FAM163A: variants seen among roughly 807,000 people sequenced by gnomAD.
FAM163A encodes family with sequence similarity 163 member A.
A neutral mutation model predicts 12.0 loss-of-function variants in FAM163A; 7 were observed. The ratio of observed to expected loss-of-function variants is 0.58; its 90% confidence interval spans 0.33 to 1.10. FAM163A has a LOEUF of 1.10. FAM163A is among the 50% of genes least tolerant of loss of function. FAM163A has a pLI of 0.03. For synonymous variants in FAM163A, 101 were observed against 91.0 expected (o/e 1.11, Z -0.62); for missense variants, 202 against 218.6 (o/e 0.92, Z 0.48).
intron 1 of FAM163A, among the ~76,000 whole-genome samples, chr1:179,758,497 C>T (rs890993921): frequency 3.9e-5 from 6 of 152,174 alleles, no homozygotes; most frequent in African/African-American, 1.2e-4. Flanking sequence ...TATGTCTGCT[C>T]ATACTTCTAG....
chr1:179,748,725 A>G (rs187829341), intron 1 of FAM163A, among the ~76,000 whole-genome samples: 83 of 152,326 alleles, frequency 5.4e-4, no homozygotes, highest in African/African-American at 1.9e-3. Flanking sequence ...TCCGTCTTGG[A>G]GAAGGTGATT....
At chr1:179,749,163 C>T (rs1455186753) in intron 1 of FAM163A, among the ~76,000 whole-genome samples, 1 of 152,224 alleles carries the variant, frequency 6.6e-6, no homozygotes, top group Non-Finnish European at 1.5e-5. Context: ...TTTATTCTCT[C>T]ATTCATCTAC....
intron 1 of FAM163A, among the ~76,000 whole-genome samples, chr1:179,768,302 A>T (rs1687781349): frequency 6.6e-6 from 1 of 152,182 alleles, no homozygotes. Context: ...CATCACCCAC[A>T]TAAACAAAGA....
chr1:179,783,175 T>A (rs1486464291), intron 1 of FAM163A, among the ~76,000 whole-genome samples: 2 of 149,064 alleles, frequency 1.3e-5, no homozygotes, highest in Admixed American at 1.3e-4. Flanking sequence ...TCATTCAAAA[T>A]GCAGAATGCC....
chr1:179,803,826 C>G (rs1693537338), intron 1 of FAM163A: 1 of 152,050 alleles, frequency 6.6e-6, no homozygotes, highest in Non-Finnish European at 1.5e-5. Context: ...CTCGGCCTCC[C>G]AAAGTGTTAG....
intron 1 of FAM163A, among the ~76,000 whole-genome samples, chr1:179,796,032 T>A (rs551767029): frequency 6.7e-6 from 1 of 148,394 alleles, no homozygotes; most frequent in Non-Finnish European, 1.5e-5. Flanking sequence ...TCCTTTCTAT[T>A]CATCATCTTA....
chr1:179,797,514 A>G (rs1216591325), intron 1 of FAM163A, among the ~76,000 whole-genome samples: 1 of 152,184 alleles, frequency 6.6e-6, no homozygotes, highest in African/African-American at 2.4e-5. Flanking sequence ...TCTATTGTGC[A>G]GGCTGGGGAC....
intron 1 of FAM163A, among the ~76,000 whole-genome samples, chr1:179,762,641 T>A (rs1686967742): frequency 6.6e-6 from 1 of 152,236 alleles, no homozygotes; most frequent in African/African-American, 2.4e-5. Context: ...ACTTCAGGAA[T>A]GCTCAAGATG....
chr1:179,792,327 GGAGAT>G (rs1691634475), intron 1 of FAM163A, among the ~76,000 whole-genome samples: 2 of 146,560 alleles, frequency 1.4e-5, no homozygotes, highest in African/African-American at 5.1e-5. Context: ...GTGTGTGTGT[GGAGAT>G]TGGGTCTCTT....
chr1:179,783,924 G>T (rs1690223368), intron 1 of FAM163A, among the ~76,000 whole-genome samples: 1 of 151,398 alleles, frequency 6.6e-6, no homozygotes, highest in African/African-American at 2.4e-5. Context: ...ACACTAGTTG[G>T]CTATAAGGAA....
chr1:179,800,326 A>AG (rs2148308472), intron 1 of FAM163A, among the ~76,000 whole-genome samples: 1 of 152,338 alleles, frequency 6.6e-6, no homozygotes, highest in African/African-American at 2.4e-5. Flanking sequence ...GAATCAGGGA[A>AG]GGGGTACGCT....
intron 1 of FAM163A, among the ~76,000 whole-genome samples, chr1:179,778,538 G>T (rs781409336): frequency 6.6e-6 from 1 of 152,152 alleles, no homozygotes; most frequent in Non-Finnish European, 1.5e-5. Context: ...CAGGAGCAGA[G>T]GGAAGGAAGA....
At chr1:179,737,640 C>A in the FAM163A span, among the ~76,000 whole-genome samples, 1 of 152,086 alleles carries the variant, frequency 6.6e-6, no homozygotes, top group Non-Finnish European at 1.5e-5. Flanking sequence ...TCAAGACCAT[C>A]GTGGCTAACA....
At chr1:179,802,272 G>C (rs1465084781) in intron 1 of FAM163A, among the ~76,000 whole-genome samples, 1 of 152,336 alleles carries the variant, frequency 6.6e-6, no homozygotes, top group Non-Finnish European at 1.5e-5. Context: ...GGATCTGTGT[G>C]CTTGTAGTTT....
intron 1 of FAM163A, among the ~76,000 whole-genome samples, chr1:179,779,029 G>A (rs1245910730): frequency 6.6e-6 from 1 of 152,104 alleles, no homozygotes; most frequent in Non-Finnish European, 1.5e-5. Context: ...GGTTTAGGCA[G>A]GACAGAAACC....
At chr1:179,755,266 A>T (rs909369260) in intron 1 of FAM163A, among the ~76,000 whole-genome samples, 23 of 152,014 alleles carry the variant, frequency 1.5e-4, no homozygotes, top group Non-Finnish European at 8.8e-5. Context: ...ATTCACTGTG[A>T]TTGGGGGCAG....
At chr1:179,808,167 A>G (rs1428329127) in intron 2 of FAM163A, among the ~76,000 whole-genome samples, 1 of 152,072 alleles carries the variant, frequency 6.6e-6, no homozygotes, top group East Asian at 1.9e-4. Flanking sequence ...GAAACTCCAC[A>G]GCACTGGCCC....
chr1:179,804,769 A>G (rs2148334599), intron 1 of FAM163A, among the ~76,000 whole-genome samples: 1 of 152,320 alleles, frequency 6.6e-6, no homozygotes, highest in African/African-American at 2.4e-5. Context: ...ACCCATGAAC[A>G]CAGAGAGGGA....
chr1:179,795,170 C>T (rs907697867), intron 1 of FAM163A, among the ~76,000 whole-genome samples: 11 of 152,324 alleles, frequency 7.2e-5, no homozygotes, highest in Admixed American at 6.5e-4. Flanking sequence ...ATTTATGACA[C>T]ATCATTATAA....
Sources: gnomAD v4.1 joint callset for allele counts (sites outside exome capture counted in the v4.1 genomes callset) on GRCh38, gnomAD v4.1.1 for gene constraint, MANE v1.5 for transcripts, NCBI Gene and HGNC (gene_info 2026-07-23, HGNC 2026-07-21) for gene names.